Variants in DCDC2 observed in about 807,000 individuals in gnomAD.
The protein encoded by DCDC2 is doublecortin domain containing 2, also known as doublecortin domain-containing protein 2.
Under a neutral mutation model 50.2 loss-of-function variants are expected in DCDC2, and 40 were observed. The ratio of observed to expected loss-of-function variants is 0.80; its 90% CI spans 0.62 to 1.04. DCDC2 has a LOEUF of 1.04. Among genes scored for constraint, DCDC2 ranks in the 50% least tolerant of loss-of-function variants. The pLI, the probability that DCDC2 is intolerant of heterozygous loss-of-function variation, is 0.00. For synonymous variants in DCDC2, 234 were observed against 210.6 expected (o/e 1.11, Z -0.96); for missense variants, 570 against 581.9 (o/e 0.98, Z 0.21).
intron 2 of DCDC2, among the ~76,000 whole-genome samples, chr6:24,324,155 T>C (rs1759817044): frequency 7.1e-6 from 1 of 141,454 alleles, no homozygotes; most frequent in Admixed American, 7.6e-5. Context: ...AACTGCACCA[T>C]CCAGGAGGTC....
At chr6:24,335,980 A>G (rs932596395) in intron 2 of DCDC2, among the ~76,000 whole-genome samples, 2 of 152,240 alleles carry the variant, frequency 1.3e-5, no homozygotes, top group African/African-American at 4.8e-5. Context: ...AGTCCCACCC[A>G]GGCTTTTACG....
chr6:24,204,977 A>C (rs1018502954), intron 8 of DCDC2, 25 bp downstream of exon 8: 1 of 1,597,374 alleles, frequency 6.3e-7, no homozygotes, highest in Non-Finnish European at 8.5e-7. Context: ...TGTCTTACAC[A>C]TATTTTTTAA....
At chr6:24,270,458 T>C (rs1403167521) in intron 7 of DCDC2, among the ~76,000 whole-genome samples, 2 of 152,154 alleles carry the variant, frequency 1.3e-5, no homozygotes, top group Non-Finnish European at 2.9e-5. Flanking sequence ...TAGGTATAAT[T>C]GACCTACATG....
intron 6 of DCDC2, among the ~76,000 whole-genome samples, chr6:24,287,539 G>A (rs1486465972): frequency 2.0e-5 from 3 of 152,206 alleles, no homozygotes; most frequent in Admixed American, 1.3e-4. Flanking sequence ...CTGCCTTGTG[G>A]GGTGAGGTTA....
At chr6:24,296,662 A>T (rs892401846) in intron 4 of DCDC2, among the ~76,000 whole-genome samples, 3 of 152,244 alleles carry the variant, frequency 2.0e-5, no homozygotes, top group Non-Finnish European at 2.9e-5. Context: ...GGACATGAAC[A>T]GACACTTTTC....
the DCDC2 span, among the ~76,000 whole-genome samples, chr6:24,371,576 G>T: frequency 1.3e-5 from 2 of 152,006 alleles, no homozygotes; most frequent in African/African-American, 4.8e-5. Context: ...ACTGCACTCC[G>T]GCCTGGGTGA....
At chr6:24,369,477 G>A in the DCDC2 span, among the ~76,000 whole-genome samples, 1 of 151,858 alleles carries the variant, frequency 6.6e-6, no homozygotes, top group South Asian at 2.1e-4. Flanking sequence ...ATGCATGGTG[G>A]TGCACACCTG....
At chr6:24,324,091 A>G (rs1308576824) in intron 2 of DCDC2, among the ~76,000 whole-genome samples, 1 of 152,178 alleles carries the variant, frequency 6.6e-6, no homozygotes, top group Non-Finnish European at 1.5e-5. Context: ...TTGGAAAAAT[A>G]TTTGCATTCC....
rs1308268258 is a variant in DCDC2 at position 24,174,184 on chromosome 6, A to G, written c.*546T>C. 1 of 152,814 alleles carries G rather than the reference A, an allele frequency of 6.5e-6. No homozygotes were observed. The highest frequency in any genetic ancestry group is 1.5e-5 in the Non-Finnish European group (1 of 68,162). The allele number at this position is 152,814 out of a possible 1,614,324, so 9.5% of individuals were successfully genotyped here. On this transcript the variant is annotated 3_prime_UTR_variant, in exon 10 of 10. Transcript: ENST00000378454. ...ACGCCTTGCTCTGTCTTTGTAGTTC[A>G]AAGGTGGATTTTGGCTAAGGAGGAA...
In DCDC2 at chr6:24,325,728, C is replaced by T. The variant is rs546787433; in HGVS notation, c.349-23684G>A. Among the ~76,000 whole-genome samples, 7 of 149,532 alleles carry T rather than the reference C, an allele frequency of 4.7e-5. 1 individual carries two copies. The highest frequency in any genetic ancestry group is 1.3e-4 in the Admixed American group (2 of 14,966). ...AACATTCTTCTCCCTCTCTCTTCTT[C>T]ATCACATTCACATCTCAGCCTATAG... On this transcript the variant is annotated intron_variant, in intron 2 of 9. Transcript: ENST00000378454.
intron 4 of DCDC2, among the ~76,000 whole-genome samples, chr6:24,296,057 G>A (rs772070570): frequency 1.1e-4 from 16 of 152,118 alleles, no homozygotes; most frequent in Non-Finnish European, 2.1e-4. Context: ...GAGCCATCCT[G>A]TTACCCAACT....
chr6:24,178,681 C>T, intron 8 of DCDC2, 49 bp from the exon 9 acceptor site: 1 of 1,513,616 alleles, frequency 6.6e-7, no homozygotes, highest in East Asian at 2.3e-5. Context: ...CATAACAGAA[C>T]ATTTCCACTG....
intron 2 of DCDC2, among the ~76,000 whole-genome samples, chr6:24,320,058 T>C (rs1267032544): frequency 6.6e-6 from 1 of 152,200 alleles, no homozygotes; most frequent in African/African-American, 2.4e-5. Flanking sequence ...TACTGAAGTC[T>C]AACGACAAAA....
chr6:24,362,940 C>T (rs897278626), upstream of DCDC2, among the ~76,000 whole-genome samples: 3 of 152,078 alleles, frequency 2.0e-5, no homozygotes, highest in Admixed American at 1.3e-4. Flanking sequence ...GTGCAAAGTC[C>T]GAACACTGAG....
the DCDC2 span, among the ~76,000 whole-genome samples, chr6:24,364,439 C>T: frequency 6.6e-6 from 1 of 151,922 alleles, no homozygotes; most frequent in Non-Finnish European, 1.5e-5. Context: ...TGCCTGGCTA[C>T]GTAATTACAA....
At chr6:24,307,195 T>G (rs992720630) in intron 2 of DCDC2, among the ~76,000 whole-genome samples, 1 of 152,136 alleles carries the variant, frequency 6.6e-6, no homozygotes, top group Non-Finnish European at 1.5e-5. Flanking sequence ...AGAATCCCTC[T>G]GCCTCAAATC....
At chr6:24,289,384 A>T (rs960195407) in intron 5 of DCDC2, among the ~76,000 whole-genome samples, 1 of 152,210 alleles carries the variant, frequency 6.6e-6, no homozygotes, top group Non-Finnish European at 1.5e-5. Context: ...CAAAAAGTTA[A>T]AAATTATTTT....
intron 7 of DCDC2, among the ~76,000 whole-genome samples, chr6:24,248,791 AT>A (rs1762738763): frequency 6.6e-6 from 1 of 152,220 alleles, no homozygotes; most frequent in Non-Finnish European, 1.5e-5. Context: ...CATTTTCAAA[AT>A]ATTAACTCCT....
chr6:24,276,459 T>C (rs1763359131), intron 7 of DCDC2, among the ~76,000 whole-genome samples: 1 of 151,730 alleles, frequency 6.6e-6, no homozygotes, highest in Non-Finnish European at 1.5e-5. Flanking sequence ...TGTTTCATGA[T>C]GGGTATTAAA....
Sources: gnomAD v4.1 joint callset for allele counts (sites outside exome capture counted in the v4.1 genomes callset) on GRCh38, gnomAD v4.1.1 for gene constraint, MANE v1.5 for transcripts, NCBI Gene and HGNC (gene_info 2026-07-23, HGNC 2026-07-21) for gene names.